FAM171B: variants seen among roughly 807,000 people sequenced by gnomAD.
The protein encoded by FAM171B is protein FAM171B.
A neutral mutation model predicts 75.6 loss-of-function variants in FAM171B; 19 were observed. The observed-to-expected ratio is 0.25, with a 90% confidence interval of 0.18 to 0.37. FAM171B has a LOEUF of 0.37. FAM171B is among the 10% of genes least tolerant of loss of function. The pLI is 1.00. For missense variants in FAM171B, 848 were observed against 982.4 expected, an observed-to-expected ratio of 0.86 and a Z score of 1.83; for synonymous variants, 367 against 361.7, an observed-to-expected ratio of 1.01 and a Z score of -0.17.
At chr2:186,713,067 A>G (rs1574099188) in intron 1 of FAM171B, among the ~76,000 whole-genome samples, 1 of 152,356 alleles carries the variant, frequency 6.6e-6, no homozygotes, top group East Asian at 1.9e-4. Flanking sequence ...TCTAAACCTC[A>G]GTTCATGGTT....
chr2:186,751,832 T>A (rs1247354363), intron 5 of FAM171B, among the ~76,000 whole-genome samples: 1 of 152,198 alleles, frequency 6.6e-6, no homozygotes, highest in Non-Finnish European at 1.5e-5. Context: ...TTTTTGTTCA[T>A]GGGTTCCCAT....
chr2:186,713,094 A>G (rs544204789), intron 1 of FAM171B, among the ~76,000 whole-genome samples: 1 of 152,338 alleles, frequency 6.6e-6, no homozygotes, highest in East Asian at 1.9e-4. Context: ...TTGGACAAGA[A>G]AGACCTTGGT....
At chr2:186,746,977 CT>C in intron 3 of FAM171B, 114 bp from the exon 4 acceptor site, 1 of 737,096 alleles carries the variant, frequency 1.4e-6, no homozygotes, top group Non-Finnish European at 2.2e-6. Context: ...TGAGAAGATG[CT>C]AATGATGTTT....
chr2:186,756,680 CA>C (rs1690535995), intron 6 of FAM171B, among the ~76,000 whole-genome samples: 1 of 152,116 alleles, frequency 6.6e-6, no homozygotes, highest in Non-Finnish European at 1.5e-5. Flanking sequence ...TCAATCCTGA[CA>C]TTATCTACCT....
At chr2:186,699,370 A>G (rs1447886665) in intron 1 of FAM171B, among the ~76,000 whole-genome samples, 1 of 152,146 alleles carries the variant, frequency 6.6e-6, no homozygotes, top group Non-Finnish European at 1.5e-5. Flanking sequence ...CATTTCTCTG[A>G]TGATCAGTGA....
chr2:186,716,949 C>G (rs1689883511), intron 1 of FAM171B, among the ~76,000 whole-genome samples: 1 of 152,116 alleles, frequency 6.6e-6, no homozygotes, highest in Non-Finnish European at 1.5e-5. Flanking sequence ...TCTGATAACC[C>G]TGTGAGGTAT....
intron 5 of FAM171B, 129 bp downstream of exon 5, chr2:186,751,433 C>A: frequency 2.7e-6 from 2 of 733,038 alleles, no homozygotes; most frequent in Non-Finnish European, 3.9e-6. Flanking sequence ...TGTTAGTGAC[C>A]AAAATTGACT....
Position 186,694,230 on chromosome 2 carries a change from G to C in FAM171B, c.57G>C (p.Val19=), listed in dbSNP as rs1689539266. Residue 19 remains valine, a synonymous_variant, in exon 1 of 8, where the codon GTG becomes GTC. Coordinates refer to ENST00000304698, the MANE Select transcript of FAM171B (RefSeq NM_177454.4). ...CCCTGCTTCTCGGCCTGGCCGTGGT[G>C]CTGCTGAAAGCGCGGCTGGTCCCCG... ...PCTLLLGLAV[V]LLKARLVPAA... is the part of the protein sequence containing the mutation. 1 of 1,610,810 alleles carries C rather than the reference G, an allele frequency of 6.2e-7. No individual in the cohort carries two copies. The highest frequency in any genetic ancestry group is 1.3e-5 in the African/African-American group (1 of 74,926).
chr2:186,726,776 T>C lies in FAM171B; in HGVS notation c.239-13452T>C, dbSNP rs563850839. Among the ~76,000 whole-genome samples, 41 of 152,320 alleles carry C rather than the reference T, an allele frequency of 2.7e-4. No individual in the cohort carries two copies. The South Asian group carries it at 8.1e-3, about 30-fold the overall frequency. ...AAAATTTCCAGGTTAAATATTCTTA[T>C]GAAAAAAATTAGTATTAATTTGTGA... On this transcript the variant is annotated intron_variant, in intron 1 of 7. Transcript: ENST00000304698.
At position 186,747,161 on chromosome 2, in the gene FAM171B, G is replaced by A. The variant is rs1690376268; in HGVS notation, c.635G>A (p.Ser212Asn). The A allele has an allele frequency of 8.7e-6, 14 of 1,608,090 alleles. No individual in the cohort carries two copies. In the East Asian group the frequency reaches 1.3e-4, roughly 15 times the overall value. The stretch of plus-strand genomic sequence containing the variant: ...AAACTTCCTGACAACCATCATATTA[G>A]CAACGTTACTGGCTATCTTACAGTT... ...LIKLPDNHHI[S>N]NVTGYLTVLQ... is the part of the protein sequence containing the mutation. The change falls in exon 4 of 8, where the codon AGC becomes AAC. Residue 212 changes from serine (S) to asparagine (N), a missense_variant. Coordinates refer to ENST00000304698, the MANE Select transcript of FAM171B (RefSeq NM_177454.4).
rs187742493 is a variant in FAM171B, at chr2:186,751,272, G to A, written c.863G>A (p.Arg288His). The A allele has an allele frequency of 2.9e-5, 46 of 1,600,576 alleles. No individual in the cohort carries two copies. In the East Asian group the frequency reaches 4.0e-4, roughly 14 times the overall value. Residue 288 changes from arginine to histidine, a missense_variant, in exon 5 of 8, where the codon CGC becomes CAC. Arg to His is a conservative substitution (Grantham distance 29, BLOSUM62 0). Coordinates refer to ENST00000304698, the MANE Select transcript of FAM171B (RefSeq NM_177454.4). ...LRLNDISAGD[R>H]IPAWTFDMNT... ...CTGAATGATATAAGTGCAGGGGATC[G>A]CATACCTGCTTGGACATTTGATATG...
intron 1 of FAM171B, among the ~76,000 whole-genome samples, chr2:186,720,713 AAAAG>A (rs1424609702): frequency 8.2e-5 from 11 of 134,350 alleles, no homozygotes; most frequent in Admixed American, 2.9e-4. Flanking sequence ...AAAAAAAAAA[AAAAG>A]AAAAGAAAAC....
At chr2:186,752,589 A>G (rs1489668912) in intron 5 of FAM171B, among the ~76,000 whole-genome samples, 1 of 152,192 alleles carries the variant, frequency 6.6e-6, no homozygotes, top group Non-Finnish European at 1.5e-5. Context: ...GGCACTTAAA[A>G]AAAGAATATC....
In FAM171B at chr2:186,700,752, G is replaced by A. The variant is rs148876424; in HGVS notation, c.238+6341G>A. Among the ~76,000 whole-genome samples, 17 of 152,290 alleles carry A rather than the reference G, an allele frequency of 1.1e-4. No homozygotes were observed. In the East Asian group the frequency reaches 3.1e-3, roughly 28 times the overall value. On this transcript the variant is annotated intron_variant, in intron 1 of 7. Transcript: ENST00000304698. ...ATATCTGTTGGATAAATGCCTAGGAGTGGAATTGCTTGGCCAACTGATACA... is the reference window on the plus strand; with the variant it reads ...ATATCTGTTGGATAAATGCCTAGGAATGGAATTGCTTGGCCAACTGATACA...
At chr2:186,728,747 C>T (rs569416226) in intron 1 of FAM171B, among the ~76,000 whole-genome samples, 10 of 152,158 alleles carry the variant, frequency 6.6e-5, no homozygotes, top group South Asian at 2.1e-4. Context: ...ATAATGGAAA[C>T]GAAGTAGGTG....
intron 1 of FAM171B, among the ~76,000 whole-genome samples, chr2:186,718,137 T>C (rs1182486203): frequency 6.6e-6 from 1 of 152,198 alleles, no homozygotes; most frequent in Non-Finnish European, 1.5e-5. Flanking sequence ...TTGCCTCTGC[T>C]CTAATTTTGG....
chr2:186,694,546 C>A, intron 1 of FAM171B, 135 bp downstream of exon 1: 1 of 1,255,196 alleles, frequency 8.0e-7, no homozygotes, highest in South Asian at 1.6e-5. Flanking sequence ...ATCTCTCTCC[C>A]CAGACTGGCT....
chr2:186,761,376 C>A, intron 7 of FAM171B, 103 bp from the exon 8 acceptor site: 2 of 1,437,266 alleles, frequency 1.4e-6, no homozygotes, highest in Non-Finnish European at 1.9e-6. Flanking sequence ...ACATATCTCA[C>A]AATAGCATTG....
intron 1 of FAM171B, among the ~76,000 whole-genome samples, chr2:186,698,491 C>G (rs1232131088): frequency 6.6e-6 from 1 of 152,026 alleles, no homozygotes. Context: ...TACCTGTTTC[C>G]ACTACGTGGG....
Sources: gnomAD v4.1 joint callset for allele counts (sites outside exome capture counted in the v4.1 genomes callset) on GRCh38, gnomAD v4.1.1 for gene constraint, MANE v1.5 for transcripts, NCBI Gene and HGNC (gene_info 2026-07-23, HGNC 2026-07-21) for gene names.